KCNQ5: variants seen among roughly 807,000 people sequenced by gnomAD.
The protein encoded by KCNQ5 is potassium voltage-gated channel subfamily KQT member 5.
Under a neutral mutation model 98.2 loss-of-function variants are expected in KCNQ5, and 30 were observed. The observed-to-expected ratio is 0.31, with a 90% CI of 0.23 to 0.41. The LOEUF (loss-of-function observed/expected upper bound fraction) is 0.41. KCNQ5 is among the 10% of genes least tolerant of loss of function. The probability of loss-of-function intolerance (pLI) is 1.00; values close to 1 mark genes in which losing one functional copy is unlikely to be tolerated. For synonymous variants in KCNQ5, 458 were observed against 449.4 expected (o/e 1.02, Z -0.24); for missense variants, 835 against 1,182.5 (o/e 0.71, Z 4.31).
chr6:72,679,558 C>T (rs1767590473), intron 1 of KCNQ5, among the ~76,000 whole-genome samples: 1 of 117,218 alleles, frequency 8.5e-6, no homozygotes, highest in Non-Finnish European at 1.6e-5. Context: ...GAACATCACA[C>T]TCTGGGGACT....
chr6:72,981,747 T>C (rs1768466969), intron 1 of KCNQ5, among the ~76,000 whole-genome samples: 1 of 152,230 alleles, frequency 6.6e-6, no homozygotes, highest in Non-Finnish European at 1.5e-5. Flanking sequence ...TTAATTGTGA[T>C]GTTAAGGTGT....
At chr6:72,759,703 A>T (rs572403556) in intron 1 of KCNQ5, among the ~76,000 whole-genome samples, 3 of 152,138 alleles carry the variant, frequency 2.0e-5, no homozygotes, top group Admixed American at 1.3e-4. Flanking sequence ...TGTTTTAGAG[A>T]TGGCTCCCTC....
At chr6:73,117,769 A>C (rs1409508583) in intron 7 of KCNQ5, among the ~76,000 whole-genome samples, 1 of 152,254 alleles carries the variant, frequency 6.6e-6, no homozygotes, top group Non-Finnish European at 1.5e-5. Flanking sequence ...TCACTACTAC[A>C]GAAGAAGCTG....
At chr6:72,907,841 T>C (rs973419571) in intron 1 of KCNQ5, among the ~76,000 whole-genome samples, 13 of 152,226 alleles carry the variant, frequency 8.5e-5, no homozygotes, top group African/African-American at 3.1e-4. Flanking sequence ...TTGGGTACTT[T>C]TTTTTAATGA....
chr6:72,687,689 T>C (rs1376391156), intron 1 of KCNQ5, among the ~76,000 whole-genome samples: 2 of 152,216 alleles, frequency 1.3e-5, no homozygotes, highest in East Asian at 3.8e-4. Flanking sequence ...CTTCTGTTTA[T>C]ATTATAAGCA....
intron 1 of KCNQ5, among the ~76,000 whole-genome samples, chr6:72,856,795 T>C (rs1777551832): frequency 1.3e-5 from 2 of 152,016 alleles, no homozygotes; most frequent in South Asian, 4.2e-4. Context: ...ATTGTGGAGG[T>C]CCCCATGTCC....
chr6:72,838,866 C>T lies in KCNQ5; in HGVS notation c.399-165042C>T, dbSNP rs369301078. Among the ~76,000 whole-genome samples the T allele has an allele frequency of 6.8e-3, 992 of 144,840 alleles. 14 individuals are homozygous for T. Among genetic ancestry groups the T allele is most frequent in the African/African-American group, 0.023 (888 of 38,972 alleles). On this transcript the variant is annotated intron_variant, in intron 1 of 13. Coordinates refer to ENST00000370398, the MANE Select transcript of KCNQ5 (RefSeq NM_019842.4). ...TCGGGAGGCTGAGGCAGGAGAATGG[C>T]GTGAACCCGGGAGGCGGAGCTTGCA...
At chr6:72,843,010 G>T (rs1383866841) in intron 1 of KCNQ5, among the ~76,000 whole-genome samples, 1 of 152,118 alleles carries the variant, frequency 6.6e-6, no homozygotes, top group Non-Finnish European at 1.5e-5. Context: ...GTCAATATTG[G>T]CTTTCGTTGC....
chr6:72,760,846 G>A (rs755470967), intron 1 of KCNQ5, among the ~76,000 whole-genome samples: 6 of 151,958 alleles, frequency 3.9e-5, no homozygotes, highest in Admixed American at 6.6e-5. Context: ...AAAAATTTTC[G>A]CAAGGAATGC....
chr6:72,882,096 T>C (rs979300131), intron 1 of KCNQ5, among the ~76,000 whole-genome samples: 1 of 152,194 alleles, frequency 6.6e-6, no homozygotes, highest in Non-Finnish European at 1.5e-5. Context: ...AATAAAAGGA[T>C]GGAAATGAGT....
chr6:72,800,898 A>G lies in KCNQ5; in HGVS notation c.398+178311A>G, dbSNP rs1005589529. On this transcript the variant is annotated intron_variant, in intron 1 of 13. Transcript: ENST00000370398. Reference sequence around the variant, plus strand: ...TTCGTTATGTACCCAGTAGTCATTCAGGAGCAGGTTGTTCAGTTTCCATGT... The same window carrying G: ...TTCGTTATGTACCCAGTAGTCATTCGGGAGCAGGTTGTTCAGTTTCCATGT... Among the ~76,000 whole-genome samples the G allele has an allele frequency of 7.9e-5, 12 of 152,240 alleles. No individual in the cohort carries two copies. The East Asian group carries it at 1.3e-3, about 17-fold the overall frequency.
intron 1 of KCNQ5, among the ~76,000 whole-genome samples, chr6:72,985,978 C>T (rs1375773542): frequency 6.6e-6 from 1 of 152,106 alleles, no homozygotes; most frequent in African/African-American, 2.4e-5. Flanking sequence ...TGCCTGTAAT[C>T]CCAGCACTTT....
chr6:72,761,576 A>G (rs1772279454), intron 1 of KCNQ5, among the ~76,000 whole-genome samples: 1 of 151,834 alleles, frequency 6.6e-6, no homozygotes, highest in African/African-American at 2.4e-5. Context: ...AAATATAAAC[A>G]TAAAGGTTTA....
chr6:72,888,920 A>T (rs761913269), intron 1 of KCNQ5, among the ~76,000 whole-genome samples: 1 of 152,140 alleles, frequency 6.6e-6, no homozygotes, highest in African/African-American at 2.4e-5. Flanking sequence ...ATCTTCATGG[A>T]GCCCACAGTC....
At chr6:72,644,377 C>T (rs1224822788) in intron 1 of KCNQ5, among the ~76,000 whole-genome samples, 2 of 152,176 alleles carry the variant, frequency 1.3e-5, no homozygotes, top group Non-Finnish European at 2.9e-5. Context: ...AGGCACATCA[C>T]AGCCTTCCTG....
chr6:72,656,651 T>C (rs896356536), intron 1 of KCNQ5, among the ~76,000 whole-genome samples: 5 of 152,222 alleles, frequency 3.3e-5, no homozygotes, highest in Non-Finnish European at 7.4e-5. Flanking sequence ...TTTTACCTAA[T>C]AAAAGCAAAT....
chr6:72,976,772 G>C (rs12210749), intron 1 of KCNQ5, among the ~76,000 whole-genome samples: 1 of 152,094 alleles, frequency 6.6e-6, no homozygotes, highest in Non-Finnish European at 1.5e-5. Flanking sequence ...TATTTAGGCA[G>C]CTTCAAATAG....
chr6:72,763,111 T>G (rs1373808662), intron 1 of KCNQ5, among the ~76,000 whole-genome samples: 1 of 152,066 alleles, frequency 6.6e-6, no homozygotes, highest in African/African-American at 2.4e-5. Flanking sequence ...ATCACTTATT[T>G]ATTACAAACA....
intron 2 of KCNQ5, among the ~76,000 whole-genome samples, chr6:73,028,882 T>A (rs1431006246): frequency 6.6e-6 from 1 of 152,202 alleles, no homozygotes; most frequent in African/African-American, 2.4e-5. Flanking sequence ...CAGGTAGGAA[T>A]AAGTCTACAA....
Sources: gnomAD v4.1 joint callset for allele counts (sites outside exome capture counted in the v4.1 genomes callset) on GRCh38, gnomAD v4.1.1 for gene constraint, MANE v1.5 for transcripts, NCBI Gene and HGNC (gene_info 2026-07-23, HGNC 2026-07-21) for gene names.